PLA2G4F: variants seen among roughly 807,000 people sequenced by gnomAD.
PLA2G4F encodes phospholipase A2 group IVF.
In PLA2G4F, 105 loss-of-function variants were observed where a neutral mutation model predicts 103.1. The ratio of observed to expected loss-of-function variants is 1.02; its 90% CI spans 0.87 to 1.20. The LOEUF (loss-of-function observed/expected upper bound fraction) is 1.20, where lower values mean the gene tolerates loss of function less well. Among genes scored for constraint, PLA2G4F ranks in the 50% most tolerant of loss-of-function variants. The pLI is 0.00. For missense variants in PLA2G4F, 1,155 were observed against 1,075.9 expected, an observed-to-expected ratio of 1.07 and a Z score of -1.03; for synonymous variants, 468 against 441.1, an observed-to-expected ratio of 1.06 and a Z score of -0.76.
At chr15:42,148,051 C>A (rs1480667843) in intron 11 of PLA2G4F, among the ~76,000 whole-genome samples, 1 of 152,072 alleles carries the variant, frequency 6.6e-6, no homozygotes, top group African/African-American at 2.4e-5. Context: ...TGGTGGTGGG[C>A]GCCTGCCTGT....
Position 42,141,097 on chromosome 15 carries a change from C to G in PLA2G4F, c.*887G>C. The G allele has an allele frequency of 5.0e-6, 2 of 397,654 alleles. No individual in the cohort carries two copies. The highest frequency in any genetic ancestry group is 3.7e-5 in the South Asian group (2 of 54,384). 24.6% of individuals were successfully genotyped at this position (397,654 alleles called of 1,614,324 possible). ...CGAGGCTCCCTCTGCACTGCCCATG[C>G]CTTGGAGTAACCCACCTCCAGGAAC... On this transcript the variant is annotated 3_prime_UTR_variant, in exon 20 of 20. Coordinates refer to ENST00000397272, the MANE Select transcript of PLA2G4F (RefSeq NM_213600.4).
At position 42,154,144 on chromosome 15, in the gene PLA2G4F, C is replaced by T. The variant is rs2048987801; in HGVS notation, c.398G>A (p.Arg133Lys). ...GTGAGGTTGGCCACACTTGAGGCTT[C>T]TCAGGTCAAACAGGAGCAGAGAGAG... ...DQLSLLLFDL[R>K]SLKCGQPHKH... Residue 133 changes from arginine to lysine, a missense_variant, in exon 4 of 20, where the codon AGA becomes AAA. Coordinates refer to ENST00000397272, the MANE Select transcript of PLA2G4F (RefSeq NM_213600.4). 1 of 1,614,210 alleles carries T rather than the reference C, an allele frequency of 6.2e-7. No homozygotes were observed. The highest frequency in any genetic ancestry group is 8.5e-7 in the Non-Finnish European group (1 of 1,180,042).
intron 2 of PLA2G4F, among the ~76,000 whole-genome samples, chr15:42,154,834 G>A (rs146450814): frequency 1.3e-5 from 2 of 152,002 alleles, no homozygotes; most frequent in Admixed American, 6.5e-5. Flanking sequence ...CACCCAGGGC[G>A]GCACTCCCAG....
chr15:42,145,594 T>C lies in PLA2G4F; in HGVS notation c.1761A>G (p.Arg587=). 6.2e-7 allele frequency: 1 copy of C among 1,614,070 alleles called. No individual in the cohort carries two copies. The highest frequency in any genetic ancestry group is 8.5e-7 in the Non-Finnish European group (1 of 1,179,984). ...CCTCACCTGTGATATTCACACTGCC[T>C]CTGTACCACTCCAGGAAGCTGAGGC... is the stretch of plus-strand genomic sequence containing the variant. ...GSGLSFLEWY[R]GSVNITDDCQ... Residue 587 remains arginine (R), a synonymous_variant, in exon 16 of 20, where the codon AGA becomes AGG. Coordinates refer to ENST00000397272, the MANE Select transcript of PLA2G4F (RefSeq NM_213600.4).
At chr15:42,146,922 GCTC>G (rs1566879058) in intron 13 of PLA2G4F, 199 bp downstream of exon 13, 5 of 583,748 alleles carry the variant, frequency 8.6e-6, no homozygotes, top group Non-Finnish European at 1.5e-5. Context: ...TGCGGACCAG[GCTC>G]CTCCTCCCCA....
chr15:42,152,725 C>G lies in PLA2G4F; in HGVS notation c.564G>C (p.Thr188=). The G allele has an allele frequency of 6.4e-7, 1 of 1,557,808 alleles. No individual in the cohort carries two copies. The highest frequency in any genetic ancestry group is 8.7e-7 in the Non-Finnish European group (1 of 1,150,102). ...GTGGGGCTGTCCCATCTCCCCGGAG[C>G]GTGCCCTGGATTCTCAGACAGGGGT... ...VAHPCLRIQG[T]LRGDGTAPRE... is the part of the protein sequence containing the mutation. The change falls in exon 7 of 20, where the codon ACG becomes ACC. Residue 188 remains threonine, a synonymous_variant. Transcript: ENST00000397272.
intron 18 of PLA2G4F, among the ~76,000 whole-genome samples, chr15:42,143,284 A>C (rs1284874963): frequency 6.6e-6 from 1 of 151,790 alleles, no homozygotes. Flanking sequence ...CCTCAACAGC[A>C]TTCCGCCATG....
At chr15:42,155,660 G>A (rs1049006606) in intron 1 of PLA2G4F, 71 bp from the exon 2 acceptor site, 34 of 1,483,982 alleles carry the variant, frequency 2.3e-5, no homozygotes, top group Admixed American at 1.4e-4. Context: ...TGTTCCCCTC[G>A]TCCCATCATG....
intron 2 of PLA2G4F, among the ~76,000 whole-genome samples, chr15:42,154,865 C>G (rs1225870512): frequency 1.3e-5 from 2 of 152,136 alleles, no homozygotes; most frequent in African/African-American, 2.4e-5. Flanking sequence ...GAGGCCGAGT[C>G]TGCACAGCTG....
intron 11 of PLA2G4F, chr15:42,149,233 G>T (rs2048926932): frequency 2.2e-6 from 2 of 905,544 alleles, no homozygotes; most frequent in Non-Finnish European, 2.6e-6. Flanking sequence ...CCTACAAGGA[G>T]GTAATAAAGG....
rs1293157393 is a variant in PLA2G4F at position 42,141,326 on chromosome 15, C to T, written c.*658G>A. 2.2e-6 allele frequency: 1 copy of T among 456,562 alleles called. No homozygotes were observed. The highest frequency in any genetic ancestry group is 2.0e-5 in the African/African-American group (1 of 50,076). 28.3% of individuals were successfully genotyped at this position (456,562 alleles called of 1,614,324 possible). A position where few individuals can be genotyped will look rare whatever the true frequency, so the allele number is the denominator to read the frequency against. On this transcript the variant is annotated 3_prime_UTR_variant, in exon 20 of 20. Coordinates refer to ENST00000397272, the MANE Select transcript of PLA2G4F (RefSeq NM_213600.4). ...CAGGGAGACACGCGCACATCTCCCA[C>T]CTGGAGCAGCCAGAATGGGACATCA...
chr15:42,144,070 C>T lies in PLA2G4F; in HGVS notation c.2050G>A (p.Ala684Thr), dbSNP rs762091206. ...GCCAGTGGGAACGGAGAGTTGATGGCAAAGCCTCCGTCCACCAGGTACAGG... is the reference window on the plus strand; with the variant it reads ...GCCAGTGGGAACGGAGAGTTGATGGTAAAGCCTCCGTCCACCAGGTACAGG... Reference protein sequence around the residue: ...DCLYLVDGGFAINSPFPLALL... With the variant: ...DCLYLVDGGFTINSPFPLALL... The change falls in exon 18 of 20, where the codon GCC (alanine) becomes ACC (threonine). Residue 684 changes from alanine to threonine, a missense_variant. Coordinates refer to ENST00000397272, the MANE Select transcript of PLA2G4F (RefSeq NM_213600.4). 3.7e-6 allele frequency: 6 copies of T among 1,614,000 alleles called. No homozygotes were observed. The highest frequency in any genetic ancestry group is 2.2e-5 in the East Asian group (1 of 44,868).
At chr15:42,142,742 C>T (rs1306309615) in intron 18 of PLA2G4F, 28 bp from the exon 19 acceptor site, 3 of 1,612,448 alleles carry the variant, frequency 1.9e-6, no homozygotes, top group South Asian at 2.2e-5. Flanking sequence ...TCTGACTCTG[C>T]CTTTCCTCCA....
Position 42,141,538 on chromosome 15 carries a change from T to G in PLA2G4F, c.*446A>C, listed in dbSNP as rs1566876391. ...GGTGGGGTTGGGGCTTGGGCCGCTC[T>G]GCAGGAAGTGTGGATGGATGCATCT... On this transcript the variant is annotated 3_prime_UTR_variant, in exon 20 of 20. Coordinates refer to ENST00000397272, the MANE Select transcript of PLA2G4F (RefSeq NM_213600.4). 1 of 454,198 alleles carries G rather than the reference T, an allele frequency of 2.2e-6. No individual in the cohort carries two copies. Among genetic ancestry groups the G allele is most frequent in the Non-Finnish European group, 4.4e-6 (1 of 226,476 alleles). The allele number at this position is 454,198 out of a possible 1,614,324, so 28.1% of individuals were successfully genotyped here.
In PLA2G4F at chr15:42,144,642, C is replaced by A; in HGVS notation, c.1783G>T (p.Asp595Tyr). 3 of 1,590,004 alleles carry A rather than the reference C, an allele frequency of 1.9e-6. No homozygotes were observed. The highest frequency in any genetic ancestry group is 2.6e-6 in the Non-Finnish European group (3 of 1,167,562). ...WYRGSVNITD[D>Y]CQKPQLHNPS... ...TTGTGCAGCTGAGGCTTCTGGCAGT[C>A]GTCTAGACAGGGGCGGGACAGTGAA... Residue 595 changes from aspartate (D) to tyrosine (Y), a missense_variant and splice_region_variant, in exon 17 of 20, where the codon GAC becomes TAC. By Grantham distance (160) the Asp-to-Tyr change is radical. Transcript: ENST00000397272.
rs2048905467 is a variant in PLA2G4F, at chr15:42,147,495, C to T, written c.1196+131G>A. 2.9e-6 allele frequency: 4 copies of T among 1,384,358 alleles called. No homozygotes were observed. In the African/African-American group the frequency reaches 5.7e-5, roughly 20 times the overall value. The allele number at this position is 1,384,358 out of a possible 1,614,324, so 85.8% of individuals were successfully genotyped here. Reference sequence around the variant, plus strand: ...CTCAGAGGGGCGCTTGGGACTCAGCCTCTTCCTGCCCCTCCTAACACCCTG... The same window carrying T: ...CTCAGAGGGGCGCTTGGGACTCAGCTTCTTCCTGCCCCTCCTAACACCCTG... On this transcript the variant is annotated intron_variant, in intron 12 of 19. Coordinates refer to ENST00000397272, the MANE Select transcript of PLA2G4F (RefSeq NM_213600.4).
chr15:42,149,770 G>T lies in PLA2G4F; in HGVS notation c.1002C>A (p.Val334=). The change falls in exon 11 of 20, where the codon GTC becomes GTA. Residue 334 remains valine (V), a synonymous_variant. Transcript: ENST00000397272. ...GCACTTGCTGCAGGGCCTTGGACAC[G>T]ACCTGCTTCCTCCTGTCCAGAAACT... ...EQEFLDRRKQ[V]VSKALQQVLG... The T allele has an allele frequency of 6.2e-7, 1 of 1,614,198 alleles. No individual in the cohort carries two copies. Among genetic ancestry groups the T allele is most frequent in the Non-Finnish European group, 8.5e-7 (1 of 1,180,038 alleles).
At chr15:42,149,880 G>T in intron 10 of PLA2G4F, 32 bp from the exon 11 acceptor site, 2 of 1,608,686 alleles carry the variant, frequency 1.2e-6, no homozygotes, top group Non-Finnish European at 1.7e-6. Context: ...GGCGGTGGGG[G>T]GTTCTGGGTG....
intron 11 of PLA2G4F, 125 bp from the exon 12 acceptor site, chr15:42,147,887 A>AT (rs1255027525): frequency 7.1e-7 from 1 of 1,399,172 alleles, no homozygotes; most frequent in African/African-American, 1.4e-5. Context: ...CCTCACAGCA[A>AT]CCCAATGAGA....
Sources: gnomAD v4.1 joint callset for allele counts (sites outside exome capture counted in the v4.1 genomes callset) on GRCh38, gnomAD v4.1.1 for gene constraint, MANE v1.5 for transcripts, NCBI Gene and HGNC (gene_info 2026-07-23, HGNC 2026-07-21) for gene names.